Variants in PCDHGA5 observed in about 807,000 individuals in gnomAD.
The protein encoded by PCDHGA5 is protocadherin gamma-A5.
A neutral mutation model predicts 56.7 loss-of-function variants in PCDHGA5; 36 were observed. That is an observed-to-expected ratio of 0.64 (90% CI 0.49 to 0.84). The LOEUF (loss-of-function observed/expected upper bound fraction) is 0.84, where lower values mean the gene tolerates loss of function less well. Ranked by LOEUF, PCDHGA5 falls within the 40% of genes least tolerant of loss-of-function variation. The pLI, the probability that PCDHGA5 is intolerant of heterozygous loss-of-function variation, is 0.00. For missense variants in PCDHGA5, 1,305 were observed against 1,201.5 expected, an observed-to-expected ratio of 1.09 and a Z score of -1.27; for synonymous variants, 563 against 520.2, an observed-to-expected ratio of 1.08 and a Z score of -1.12.
rs1345800081 is a variant in PCDHGA5, at chr5:141,485,453, G to A, written c.2422-9354G>A. 1 of 1,614,176 alleles carries A rather than the reference G, an allele frequency of 6.2e-7. No homozygotes were observed. The highest frequency in any genetic ancestry group is 8.5e-7 in the Non-Finnish European group (1 of 1,180,036). On this transcript the variant is annotated intron_variant, in intron 1 of 3. Transcript: ENST00000518069. The surrounding 1 kb of genome is among the most constrained non-coding windows in gnomAD (Gnocchi z 5.7). ...CATCAAGAACCCAATCGACCGAGAG[G>A]CACTGTGTGGGCTCAGTGCCAGCTG...
At chr5:141,381,603 T>C (rs751788788) in intron 1 of PCDHGA5, among the ~76,000 whole-genome samples, 4 of 152,242 alleles carry the variant, frequency 2.6e-5, no homozygotes, top group African/African-American at 4.8e-5. Context: ...TTCTTATGAA[T>C]TCACAGCCCA....
intron 1 of PCDHGA5, among the ~76,000 whole-genome samples, chr5:141,470,624 A>G (rs1421700811): frequency 6.6e-6 from 1 of 152,220 alleles, no homozygotes; most frequent in Non-Finnish European, 1.5e-5. Flanking sequence ...TCATGCTTAG[A>G]TAGGCCCCCT....
intron 1 of PCDHGA5, chr5:141,423,694 T>C (rs1008861889): frequency 1.3e-6 from 2 of 1,501,552 alleles, no homozygotes; most frequent in Middle Eastern, 1.8e-4. Flanking sequence ...TAATTGTTGG[T>C]GTCTTGGCAC....
At chr5:141,445,471 T>A (rs533909401) in intron 1 of PCDHGA5, among the ~76,000 whole-genome samples, 17 of 152,204 alleles carry the variant, frequency 1.1e-4, no homozygotes, top group Non-Finnish European at 2.4e-4. Context: ...AAGGCATATA[T>A]GATTCCTGAG....
At chr5:141,450,129 C>T (rs1211301953) in intron 1 of PCDHGA5, among the ~76,000 whole-genome samples, 1 of 151,472 alleles carries the variant, frequency 6.6e-6, no homozygotes, top group African/African-American at 2.4e-5. Context: ...GCCTTAGCCT[C>T]CTGAGTAGCT....
At chr5:141,415,306 T>G (rs2095852502) in intron 1 of PCDHGA5, 2 of 1,614,222 alleles carry the variant, frequency 1.2e-6, no homozygotes, top group Non-Finnish European at 8.5e-7. Context: ...CTTCCTGGCC[T>G]TCGTCATCGT....
At chr5:141,395,092 C>CT (rs2093168204) in intron 1 of PCDHGA5, 4 of 1,614,088 alleles carry the variant, frequency 2.5e-6, no homozygotes, top group Non-Finnish European at 3.4e-6. Context: ...GTCTCCCTCA[C>CT]CGCCGACTCG....
chr5:141,374,773 A>T (rs192855761), intron 1 of PCDHGA5: 9 of 1,613,812 alleles, frequency 5.6e-6, no homozygotes, highest in Middle Eastern at 1.6e-4. Context: ...AAATTCTGGT[A>T]ACAGTTCTAG....
chr5:141,491,434 A>G lies in PCDHGA5; in HGVS notation c.2422-3373A>G, dbSNP rs1362196179. The G allele has an allele frequency of 6.2e-7, 1 of 1,614,032 alleles. No individual in the cohort carries two copies. ...GGACGGGGGTGGAGGGCAGTGCTGC[A>G]GGCGCCAGGACTCACCCTCCCCGGA... On this transcript the variant is annotated intron_variant, in intron 1 of 3. Coordinates refer to ENST00000518069, the MANE Select transcript of PCDHGA5 (RefSeq NM_018918.3). The surrounding 1 kb of genome is among the most constrained non-coding windows in gnomAD (Gnocchi z 6.9).
chr5:141,490,985 C>T lies in PCDHGA5; in HGVS notation c.2422-3822C>T. On this transcript the variant is annotated intron_variant, in intron 1 of 3. Transcript: ENST00000518069. This position sits in a 1 kb window ranked among gnomAD's most constrained non-coding sequence, Gnocchi z 5.4. ...TCAGCCCCCCAGCGTCTCCCTCGCT[C>T]TGCTCCTCCTGGCTCCTTGGTCACC... The T allele has an allele frequency of 1.9e-6, 3 of 1,614,128 alleles. No individual in the cohort carries two copies. The highest frequency in any genetic ancestry group is 2.5e-6 in the Non-Finnish European group (3 of 1,180,032).
At chr5:141,415,881 T>C (rs1589997447) in intron 1 of PCDHGA5, 1 of 1,003,346 alleles carries the variant, frequency 1.0e-6, no homozygotes, top group Non-Finnish European at 1.3e-6. Context: ...GAGTACAATA[T>C]TGACAATTCC....
intron 1 of PCDHGA5, chr5:141,412,460 G>C (rs2095557510): frequency 1.3e-5 from 2 of 152,244 alleles, no homozygotes; most frequent in South Asian, 4.1e-4. Flanking sequence ...AACTATTCTA[G>C]AAGAGTACTT....
chr5:141,423,573 C>G, intron 1 of PCDHGA5: 1 of 1,613,488 alleles, frequency 6.2e-7, no homozygotes, highest in South Asian at 1.1e-5. Context: ...CGCTCATCAG[C>G]CAGGAGAGCT....
At chr5:141,430,996 G>C in intron 1 of PCDHGA5, 8 of 1,614,024 alleles carry the variant, frequency 5.0e-6, no homozygotes, top group Middle Eastern at 3.3e-4. Context: ...CCCTGAATCC[G>C]CGCAGCGGCA....
At chr5:141,422,280 C>A in intron 1 of PCDHGA5, 1 of 1,557,754 alleles carries the variant, frequency 6.4e-7, no homozygotes, top group Non-Finnish European at 8.6e-7. Context: ...TAACTATCAC[C>A]TCTTCTATTA....
At chr5:141,374,204 A>G in intron 1 of PCDHGA5, 1 of 1,613,902 alleles carries the variant, frequency 6.2e-7, no homozygotes. Flanking sequence ...GGAGCTGGAG[A>G]AAGGCTCCTT....
chr5:141,413,725 C>A, intron 1 of PCDHGA5: 1 of 1,613,546 alleles, frequency 6.2e-7, no homozygotes, highest in Non-Finnish European at 8.5e-7. Flanking sequence ...GCACTTCTCC[C>A]TAAGAGTTCA....
intron 1 of PCDHGA5, among the ~76,000 whole-genome samples, chr5:141,482,530 C>CAAAAAAAAA (rs3074545): frequency 5.2e-4 from 40 of 76,506 alleles, no homozygotes; most frequent in African/African-American, 1.4e-3. Context: ...GACAGACATG[C>CAAAAAAAAA]AAAAAAAAAA....
At position 141,395,150 on chromosome 5, in the gene PCDHGA5, C is replaced by T. The variant is rs368875505; in HGVS notation, c.2421+28399C>T. ...CCCAGCCCAACTACGCAGACATGCT[C>T]ATCAGTCAGGAGGGCTGTGAGAAAA... On this transcript the variant is annotated intron_variant, in intron 1 of 3. Transcript: ENST00000518069. 8 of 1,614,044 alleles carry T rather than the reference C, an allele frequency of 5.0e-6. No individual in the cohort carries two copies. In the African/African-American group the frequency reaches 6.7e-5, roughly 13 times the overall value.
Sources: gnomAD v4.1 joint callset for allele counts (sites outside exome capture counted in the v4.1 genomes callset) on GRCh38, gnomAD v4.1.1 for gene constraint, Gnocchi (gnomAD v3.1) non-coding constraint, MANE v1.5 for transcripts, NCBI Gene and HGNC (gene_info 2026-07-23, HGNC 2026-07-21) for gene names.